ADGRV1: variants seen among roughly 807,000 people sequenced by gnomAD.
ADGRV1 encodes adhesion G protein-coupled receptor V1.
In ADGRV1, 359 loss-of-function variants were observed where a neutral mutation model predicts 596.2. The ratio of observed to expected loss-of-function variants is 0.60; its 90% CI spans 0.55 to 0.66. The LOEUF is 0.66. Ranked by LOEUF, ADGRV1 falls within the 30% of genes least tolerant of loss-of-function variation. The pLI, the probability that ADGRV1 is intolerant of heterozygous loss-of-function variation, is 0.00. For synonymous variants in ADGRV1, 2,681 were observed against 2,679.2 expected (o/e 1.00, Z -0.02); for missense variants, 7,274 against 7,575.6 (o/e 0.96, Z 1.48).
At chr5:90,654,543 C>T (rs1013691514) in intron 20 of ADGRV1, 1 of 156,598 alleles carries the variant, frequency 6.4e-6, no homozygotes, top group African/African-American at 2.4e-5. Context: ...GCTGATTCCT[C>T]AAGAAGCACA....
chr5:90,676,152 T>C lies in ADGRV1; in HGVS notation c.5386T>C (p.Ser1796Pro). 6.2e-7 allele frequency: 1 copy of C among 1,607,672 alleles called. No homozygotes were observed. The change falls in exon 25 of 90, where the codon TCT becomes CCT. Residue 1796 changes from serine (S) to proline (P), a missense_variant. This residue lies in a region of ADGRV1 where 3,643 missense variants were observed against 3,809.2 expected (regional missense o/e 0.96). Coordinates refer to ENST00000405460, the MANE Select transcript of ADGRV1 (RefSeq NM_032119.4). ...CATTTTCATAAACATCACTGATAAT[T>C]CTATTCCTGAACTGGAAAAATCTTT... ...KYIFINITDN[S>P]IPELEKSFKV...
At chr5:90,569,487 G>A (rs974755327) in intron 1 of ADGRV1, among the ~76,000 whole-genome samples, 1 of 137,258 alleles carries the variant, frequency 7.3e-6, no homozygotes, top group Non-Finnish European at 1.5e-5. Context: ...ATATAGTTAG[G>A]TCATTTTTTC....
chr5:90,865,828 G>C (rs539332555), intron 83 of ADGRV1, among the ~76,000 whole-genome samples: 2 of 152,154 alleles, frequency 1.3e-5, no homozygotes, highest in African/African-American at 4.8e-5. Flanking sequence ...AGTAAGTTGG[G>C]CTCCCACCCT....
At chr5:90,768,347 T>C (rs1189448872) in intron 59 of ADGRV1, among the ~76,000 whole-genome samples, 1 of 152,160 alleles carries the variant, frequency 6.6e-6, no homozygotes, top group East Asian at 1.9e-4. Context: ...AAGATCTATG[T>C]CTCCCACGGG....
chr5:90,833,786 T>C (rs1176974139), intron 77 of ADGRV1, among the ~76,000 whole-genome samples: 1 of 152,216 alleles, frequency 6.6e-6, no homozygotes, highest in African/African-American at 2.4e-5. Flanking sequence ...CAATTGTCAT[T>C]TTTTGTTGTT....
rs1772559657 is a variant in ADGRV1 at position 90,672,107 on chromosome 5, C to G, written c.4753-439C>G. Among the ~76,000 whole-genome samples, 2 of 151,622 alleles carry G rather than the reference C, an allele frequency of 1.3e-5. 1 individual carries two copies. The highest frequency in any genetic ancestry group is 4.2e-4 in the South Asian group (2 of 4,802). On this transcript the variant is annotated intron_variant, in intron 21 of 89. Coordinates refer to ENST00000405460, the MANE Select transcript of ADGRV1 (RefSeq NM_032119.4). ...AGAAAGTTCTCTCTGATGTCATGTT[C>G]CACCCTCTACCCCAACCCCCACCCC...
intron 83 of ADGRV1, among the ~76,000 whole-genome samples, chr5:90,949,144 G>T (rs954213800): frequency 6.6e-6 from 1 of 152,060 alleles, no homozygotes; most frequent in East Asian, 1.9e-4. Context: ...CATACTACAT[G>T]GTTCCATTTA....
chr5:90,763,851 A>G (rs182451037), intron 59 of ADGRV1, among the ~76,000 whole-genome samples: 5 of 152,208 alleles, frequency 3.3e-5, no homozygotes, highest in Non-Finnish European at 7.3e-5. Flanking sequence ...TTCAAAGGAC[A>G]TGATTTAATT....
At chr5:91,015,161 T>G (rs1478261231) in intron 85 of ADGRV1, among the ~76,000 whole-genome samples, 6 of 152,144 alleles carry the variant, frequency 3.9e-5, no homozygotes, top group Non-Finnish European at 8.8e-5. Flanking sequence ...TAGGAGCATA[T>G]TGTTTAATCT....
At chr5:90,853,207 G>A in intron 79 of ADGRV1, 77 bp from the exon 80 acceptor site, 1 of 1,346,800 alleles carries the variant, frequency 7.4e-7, no homozygotes, top group Non-Finnish European at 1.0e-6. Flanking sequence ...CAAGTGTAAT[G>A]CACTTTAACA....
chr5:91,042,992 G>A (rs1202331824), intron 85 of ADGRV1, among the ~76,000 whole-genome samples: 1 of 151,982 alleles, frequency 6.6e-6, no homozygotes, highest in Non-Finnish European at 1.5e-5. Flanking sequence ...GTAACCCCAA[G>A]CATTTTTATT....
At chr5:90,616,533 A>G (rs1379650410) in intron 2 of ADGRV1, among the ~76,000 whole-genome samples, 1 of 152,122 alleles carries the variant, frequency 6.6e-6, no homozygotes, top group African/African-American at 2.4e-5. Context: ...TTCCTGACAC[A>G]GTTTTTGGCA....
At chr5:91,060,398 A>ATATTTTTTTTTTTTATTTATTTATT (rs796332430) in intron 85 of ADGRV1, among the ~76,000 whole-genome samples, 1 of 60,530 alleles carries the variant, frequency 1.7e-5, no homozygotes, top group African/African-American at 4.7e-5. Flanking sequence ...ATATATATAT[A>ATATTTTTTTTTTTTATTTATTTATT]TTTTTTTTTT....
chr5:90,836,348 G>A (rs1764967262), intron 77 of ADGRV1, among the ~76,000 whole-genome samples: 1 of 152,014 alleles, frequency 6.6e-6, no homozygotes, highest in Admixed American at 6.6e-5. Flanking sequence ...TTCAATGGGT[G>A]AATAGTTAAA....
intron 83 of ADGRV1, among the ~76,000 whole-genome samples, chr5:90,895,357 T>C (rs1472532267): frequency 1.3e-5 from 2 of 152,112 alleles, no homozygotes; most frequent in Non-Finnish European, 2.9e-5. Flanking sequence ...ATTGAAGGGA[T>C]GTGGGGTCAG....
chr5:90,748,144 G>A (rs1346760544), intron 52 of ADGRV1, among the ~76,000 whole-genome samples: 2 of 152,184 alleles, frequency 1.3e-5, no homozygotes, highest in Non-Finnish European at 2.9e-5. Flanking sequence ...AGGTTTAGGG[G>A]ATAAGATGAG....
chr5:90,927,357 G>T (rs981313626), intron 83 of ADGRV1, among the ~76,000 whole-genome samples: 3 of 151,802 alleles, frequency 2.0e-5, no homozygotes, highest in Non-Finnish European at 2.9e-5. Context: ...GTTAGCTCTT[G>T]TTGTTGAATT....
chr5:90,582,441 GT>G (rs2151977625), intron 1 of ADGRV1, among the ~76,000 whole-genome samples: 1 of 152,234 alleles, frequency 6.6e-6, no homozygotes, highest in South Asian at 2.1e-4. Context: ...TTATCATTCT[GT>G]AATACCTTTC....
chr5:90,954,330 A>G lies in ADGRV1; in HGVS notation c.17857-11085A>G, dbSNP rs115695173. Among the ~76,000 whole-genome samples the G allele has an allele frequency of 3.1e-3, 470 of 152,164 alleles. 3 individuals are homozygous for G. Among genetic ancestry groups the G allele is most frequent in the African/African-American group, 0.011 (454 of 41,550 alleles). On this transcript the variant is annotated intron_variant, in intron 83 of 89. Transcript: ENST00000405460. ...ATCTGTATGGGTTAGCATATTTTCT[A>G]TTATACGTTAGAAAATACTAATTCA...
Sources: gnomAD v4.1 joint callset for allele counts (sites outside exome capture counted in the v4.1 genomes callset) on GRCh38, gnomAD v4.1.1 for gene constraint, gnomAD v4.1.1 regional missense constraint, MANE v1.5 for transcripts, NCBI Gene and HGNC (gene_info 2026-07-23, HGNC 2026-07-21) for gene names.